LGALS14: variants seen among roughly 807,000 people sequenced by gnomAD.
LGALS14 encodes galectin 14.
In LGALS14, 14 loss-of-function variants were observed where a neutral mutation model predicts 14.6. That is an observed-to-expected ratio of 0.96 (90% CI 0.64 to 1.50). LGALS14 has a LOEUF of 1.50. LGALS14 is among the 40% of genes most tolerant of loss of function. The pLI is 0.00. For missense variants in LGALS14, 180 were observed against 172.0 expected (o/e 1.05, Z -0.26); for synonymous variants, 57 against 63.9 (o/e 0.89, Z 0.51).
Position 39,709,402 on chromosome 19 carries a change from C to A in LGALS14, c.*89C>A. ...GAGCCTACTAACAGAATAATCCCTC[C>A]TCACCCCTTCCCCTACACTTGATCA... On this transcript the variant is annotated 3_prime_UTR_variant, in exon 4 of 4. Transcript: ENST00000392052. 1 of 750,272 alleles carries A rather than the reference C, an allele frequency of 1.3e-6. No homozygotes were observed. The highest frequency in any genetic ancestry group is 2.5e-5 in the East Asian group (1 of 40,422). The allele number at this position is 750,272 out of a possible 1,614,324, so 46.5% of individuals were successfully genotyped here.
At chr19:39,706,340 A>G (rs1463690317) in intron 1 of LGALS14, among the ~76,000 whole-genome samples, 3 of 152,182 alleles carry the variant, frequency 2.0e-5, no homozygotes, top group Non-Finnish European at 4.4e-5. Flanking sequence ...GAGGTTAAGT[A>G]ATAGATCTAA....
In LGALS14 at chr19:39,705,921, AC is replaced by A. The variant is rs754009184; in HGVS notation, c.16-675del. 60 of 1,613,762 alleles carry A rather than the reference AC, an allele frequency of 3.7e-5. 1 individual carries two copies. In the South Asian group the frequency reaches 5.4e-4, roughly 14 times the overall value. Reference sequence around the variant, plus strand: ...TTCCCTCCAGTTATGTCCCTGACCCACAGGCTTCATTTGTGCAAGTACTGGG... The same window carrying A: ...TTCCCTCCAGTTATGTCCCTGACCCAAGGCTTCATTTGTGCAAGTACTGGG... On this transcript the variant is annotated intron_variant, in intron 1 of 3. Transcript: ENST00000392052.
Position 39,707,176 on chromosome 19 carries a change from A to G in LGALS14, c.93-2A>G. On this transcript the variant is annotated splice_acceptor_variant, in intron 2 of 3. Transcript: ENST00000392052. LOFTEE classifies it high-confidence loss of function. ...CCAACATGCTGTGTGCTTTGACCTC[A>G]GCAAGGACCCACAGCTGGAGGTGAA... 6.2e-7 allele frequency: 1 copy of G among 1,612,496 alleles called. No homozygotes were observed. The highest frequency in any genetic ancestry group is 1.1e-5 in the South Asian group (1 of 91,026).
intron 1 of LGALS14, 89 bp downstream of exon 1, chr19:39,704,632 C>A: frequency 1.6e-6 from 2 of 1,270,430 alleles, no homozygotes; most frequent in Non-Finnish European, 2.3e-6. Flanking sequence ...AAAATATGAG[C>A]ATTCCTACTG....
In LGALS14 at chr19:39,707,389, G is replaced by C; in HGVS notation, c.303+1G>C. On this transcript the variant is annotated splice_donor_variant, in intron 3 of 3. Coordinates refer to ENST00000392052, the MANE Select transcript of LGALS14 (RefSeq NM_020129.3). LOFTEE classifies it high-confidence loss of function. ...CTATGTGCGTCACAAGGAATACAAGGTGAGTACTTCAGGATCTTCCAGCGC... is the reference window on the plus strand; with the variant it reads ...CTATGTGCGTCACAAGGAATACAAGCTGAGTACTTCAGGATCTTCCAGCGC... 6.2e-7 allele frequency: 1 copy of C among 1,613,086 alleles called. No individual in the cohort carries two copies. Among genetic ancestry groups the C allele is most frequent in the Non-Finnish European group, 8.5e-7 (1 of 1,179,372 alleles).
In LGALS14 at chr19:39,709,247, A is replaced by G; in HGVS notation, c.354A>G (p.Pro118=). 2 of 1,613,708 alleles carry G rather than the reference A, an allele frequency of 1.2e-6. No homozygotes were observed. Among genetic ancestry groups the G allele is most frequent in the Non-Finnish European group, 8.5e-7 (1 of 1,179,692 alleles). ...RIYNFAHRFP[P]ASVKMLQVFR... ...ACAACTTTGCCCATCGATTCCCGCCAGCATCTGTGAAGATGCTGCAAGTCT... is the reference window on the plus strand; with the variant it reads ...ACAACTTTGCCCATCGATTCCCGCCGGCATCTGTGAAGATGCTGCAAGTCT... Residue 118 remains proline (P), a synonymous_variant, in exon 4 of 4, where the codon CCA becomes CCG. Transcript: ENST00000392052.
intron 3 of LGALS14, among the ~76,000 whole-genome samples, chr19:39,708,328 T>G (rs1973748643): frequency 6.6e-6 from 1 of 152,226 alleles, no homozygotes; most frequent in African/African-American, 2.4e-5. Flanking sequence ...CCAAAATTAT[T>G]GAACTTGACC....
At chr19:39,704,745 C>T (rs1001013504) in intron 1 of LGALS14, among the ~76,000 whole-genome samples, 3 of 151,998 alleles carry the variant, frequency 2.0e-5, no homozygotes, top group Admixed American at 6.6e-5. Flanking sequence ...ACCAGTGTAA[C>T]CCTCTGTGAG....
In LGALS14 at chr19:39,707,342, G is replaced by A. The variant is rs1308349676; in HGVS notation, c.257G>A (p.Gly86Asp). The A allele has an allele frequency of 1.2e-6, 2 of 1,613,960 alleles. No individual in the cohort carries two copies. Among genetic ancestry groups the A allele is most frequent in the East Asian group, 4.5e-5 (2 of 44,896 alleles). Reference sequence around the variant, plus strand: ...TGCTACTATTTACCCTTTGAAGATGGCAAACCATTTGAGCTGTGCATCTAT... The same window carrying A: ...TGCTACTATTTACCCTTTGAAGATGACAAACCATTTGAGCTGTGCATCTAT... ...EKCYYLPFEDGKPFELCIYVR... is the reference protein window; with the variant it reads ...EKCYYLPFEDDKPFELCIYVR... The change falls in exon 3 of 4, where the codon GGC becomes GAC. Residue 86 changes from glycine (G) to aspartate (D), a missense_variant. Coordinates refer to ENST00000392052, the MANE Select transcript of LGALS14 (RefSeq NM_020129.3).
intron 3 of LGALS14, among the ~76,000 whole-genome samples, chr19:39,708,548 AT>A (rs1405368161): frequency 1.3e-5 from 2 of 152,240 alleles, no homozygotes; most frequent in Non-Finnish European, 2.9e-5. Context: ...TAGCCTCGAC[AT>A]AAGGAATATA....
In LGALS14 at chr19:39,707,161, G is replaced by C; in HGVS notation, c.93-17G>C. 5.6e-6 allele frequency: 9 copies of C among 1,599,136 alleles called. No individual in the cohort carries two copies. The highest frequency in any genetic ancestry group is 7.7e-6 in the Non-Finnish European group (9 of 1,166,664). ...AATGGGGGGACCTGCCCAACATGCT[G>C]TGTGCTTTGACCTCAGCAAGGACCC... is the stretch of plus-strand genomic sequence containing the variant. On this transcript the variant is annotated splice_polypyrimidine_tract_variant and intron_variant, in intron 2 of 3. Coordinates refer to ENST00000392052, the MANE Select transcript of LGALS14 (RefSeq NM_020129.3).
intron 3 of LGALS14, among the ~76,000 whole-genome samples, chr19:39,708,896 G>T (rs1004354944): frequency 4.6e-5 from 7 of 152,214 alleles, no homozygotes; most frequent in African/African-American, 1.7e-4. Context: ...TCAAGTTCCT[G>T]AGACACCGTC....
chr19:39,706,562 C>T (rs1307978603), intron 1 of LGALS14, 35 bp from the exon 2 acceptor site: 2 of 1,533,774 alleles, frequency 1.3e-6, no homozygotes, highest in Middle Eastern at 1.7e-4. Flanking sequence ...TACACCTTAC[C>T]CTTTAGCTCT....
Position 39,707,165 on chromosome 19 carries a change from G to C in LGALS14, c.93-13G>C. The C allele has an allele frequency of 6.2e-7, 1 of 1,601,068 alleles. No homozygotes were observed. Among genetic ancestry groups the C allele is most frequent in the Non-Finnish European group, 8.6e-7 (1 of 1,168,466 alleles). ...GGGGGACCTGCCCAACATGCTGTGT[G>C]CTTTGACCTCAGCAAGGACCCACAG... On this transcript the variant is annotated splice_polypyrimidine_tract_variant and intron_variant, in intron 2 of 3. Transcript: ENST00000392052.
chr19:39,708,099 C>T (rs1007348708), intron 3 of LGALS14, among the ~76,000 whole-genome samples: 2 of 152,148 alleles, frequency 1.3e-5, no homozygotes, highest in Non-Finnish European at 2.9e-5. Context: ...CATAAGCCAC[C>T]GTGCCCAGCC....
intron 1 of LGALS14, chr19:39,705,967 G>A (rs1379501806): frequency 6.2e-7 from 1 of 1,613,958 alleles, no homozygotes; most frequent in African/African-American, 1.3e-5. Context: ...TCAGTAATGT[G>A]TGCCGCTTCT....
At chr19:39,709,143 C>A (rs1458493430) in intron 3 of LGALS14, 54 bp from the exon 4 acceptor site, 34 of 1,119,900 alleles carry the variant, frequency 3.0e-5, no homozygotes, top group Non-Finnish European at 4.3e-5. Flanking sequence ...AGAGAAAGGG[C>A]TGAAAACCTG....
rs371131578 is a variant in LGALS14 at position 39,704,498 on chromosome 19, A to G, written c.-31A>G. The G allele has an allele frequency of 5.6e-6, 9 of 1,612,822 alleles. No individual in the cohort carries two copies. The highest frequency in any genetic ancestry group is 7.6e-6 in the Non-Finnish European group (9 of 1,179,076). ...AGATTCACACAGAAGACTGGACACA[A>G]TTCCGAAGAGCTGCCCAGAAGGAGA... On this transcript the variant is annotated 5_prime_UTR_variant, in exon 1 of 4. Coordinates refer to ENST00000392052, the MANE Select transcript of LGALS14 (RefSeq NM_020129.3).
At chr19:39,708,212 G>A (rs577997130) in intron 3 of LGALS14, among the ~76,000 whole-genome samples, 2 of 152,230 alleles carry the variant, frequency 1.3e-5, no homozygotes, top group African/African-American at 2.4e-5. Flanking sequence ...TTACACTTTA[G>A]CAACTAAGTT....
Sources: gnomAD v4.1 joint callset for allele counts (sites outside exome capture counted in the v4.1 genomes callset) on GRCh38, gnomAD v4.1.1 for gene constraint, MANE v1.5 for transcripts, NCBI Gene and HGNC (gene_info 2026-07-23, HGNC 2026-07-21) for gene names.